The following DCDC1 variants were observed in gnomAD, a reference collection of about 807,000 sequenced individuals.
DCDC1 encodes the protein doublecortin domain containing 1.
In DCDC1, 200 loss-of-function variants were observed where a neutral mutation model predicts 178.3. The observed-to-expected ratio is 1.12, with a 90% CI of 1.00 to 1.26. The LOEUF is 1.26. DCDC1 is among the 50% of genes most tolerant of loss of function. DCDC1 has a pLI of 0.00. For synonymous variants in DCDC1, 690 were observed against 604.8 expected, an observed-to-expected ratio of 1.14 and a Z score of -2.07; for missense variants, 1,983 against 1,749.2, an observed-to-expected ratio of 1.13 and a Z score of -2.38.
At chr11:31,091,296 A>G (rs1335523353) in intron 17 of DCDC1, 97 bp downstream of exon 17, 2 of 574,788 alleles carry the variant, frequency 3.5e-6, no homozygotes, top group East Asian at 5.7e-5. Flanking sequence ...ACATTGAATG[A>G]ATATTCAATC....
chr11:30,965,300 C>A (rs1009353529), intron 20 of DCDC1, among the ~76,000 whole-genome samples: 14 of 152,124 alleles, frequency 9.2e-5, no homozygotes, highest in Non-Finnish European at 1.9e-4. Context: ...ATGTCAGTAC[C>A]ATTCTGGAGG....
At chr11:30,884,652 A>G (rs1317842972) in intron 36 of DCDC1, among the ~76,000 whole-genome samples, 1 of 152,126 alleles carries the variant, frequency 6.6e-6, no homozygotes, top group Non-Finnish European at 1.5e-5. Context: ...TCCCCAAAAC[A>G]AAGATCAACT....
chr11:31,323,263 A>G (rs985328158), intron 3 of DCDC1, among the ~76,000 whole-genome samples: 1 of 152,246 alleles, frequency 6.6e-6, no homozygotes, highest in East Asian at 1.9e-4. Context: ...ACATGCAGGT[A>G]TAAGTTATCA....
At chr11:31,179,848 A>G (rs1968547574) in intron 9 of DCDC1, among the ~76,000 whole-genome samples, 1 of 152,222 alleles carries the variant, frequency 6.6e-6, no homozygotes, top group Non-Finnish European at 1.5e-5. Flanking sequence ...CAAATACTAC[A>G]GGTCATTATC....
intron 9 of DCDC1, among the ~76,000 whole-genome samples, chr11:31,237,462 A>G (rs1976603144): frequency 6.6e-6 from 1 of 151,956 alleles, no homozygotes; most frequent in Non-Finnish European, 1.5e-5. Flanking sequence ...CATATAACAT[A>G]TATAACAGCA....
At chr11:31,011,712 C>T (rs1952180916) in intron 20 of DCDC1, among the ~76,000 whole-genome samples, 1 of 152,088 alleles carries the variant, frequency 6.6e-6, no homozygotes, top group Non-Finnish European at 1.5e-5. Context: ...ATAGTAATTC[C>T]ACCTCCAGGC....
chr11:31,239,716 A>G (rs1006305755), intron 9 of DCDC1, among the ~76,000 whole-genome samples: 6 of 151,972 alleles, frequency 3.9e-5, no homozygotes, highest in Admixed American at 1.3e-4. Context: ...AAATCTTTAC[A>G]GACTGCCCAA....
In DCDC1 at chr11:30,911,432, A is replaced by C. The variant is rs755051925; in HGVS notation, c.3654-12T>G. 6.3e-7 allele frequency: 1 copy of C among 1,581,286 alleles called. No homozygotes were observed. Among genetic ancestry groups the C allele is most frequent in the Non-Finnish European group, 8.6e-7 (1 of 1,161,836 alleles). ...CAAGGTGAAAGGTCCTTGGGAAAAC[A>C]GGATTAGCCACATTACAAAGTAGCA... On this transcript the variant is annotated splice_polypyrimidine_tract_variant and intron_variant, in intron 27 of 38. Coordinates refer to ENST00000684477, the MANE Select transcript of DCDC1 (RefSeq NM_001387274.1).
At chr11:30,949,207 T>C (rs1948254308) in intron 21 of DCDC1, among the ~76,000 whole-genome samples, 1 of 152,142 alleles carries the variant, frequency 6.6e-6, no homozygotes, top group Admixed American at 6.6e-5. Context: ...TATAAATAGA[T>C]ACTTCTCAAA....
intron 1 of DCDC1, among the ~76,000 whole-genome samples, chr11:31,364,064 AATACTCT>A (rs1369464795): frequency 6.6e-6 from 1 of 152,198 alleles, no homozygotes; most frequent in East Asian, 1.9e-4. Context: ...GTAAACAACC[AATACTCT>A]ATGGTGTAGT....
intron 7 of DCDC1, among the ~76,000 whole-genome samples, chr11:31,271,611 C>T (rs1342367264): frequency 6.6e-6 from 1 of 152,216 alleles, no homozygotes; most frequent in African/African-American, 2.4e-5. Context: ...CCAATTACTA[C>T]TCTATTGACA....
chr11:31,049,177 AG>A (rs1371572358), intron 20 of DCDC1, among the ~76,000 whole-genome samples: 1 of 152,250 alleles, frequency 6.6e-6, no homozygotes, highest in East Asian at 1.9e-4. Flanking sequence ...GTACAAATTC[AG>A]GTCTCTTATT....
chr11:31,357,167 A>G (rs992880855), intron 1 of DCDC1, among the ~76,000 whole-genome samples: 1 of 152,180 alleles, frequency 6.6e-6, no homozygotes, highest in Non-Finnish European at 1.5e-5. Flanking sequence ...TCCCTGATGA[A>G]CATTGATGCT....
chr11:31,059,449 A>G (rs1313194278), intron 20 of DCDC1, among the ~76,000 whole-genome samples: 2 of 152,090 alleles, frequency 1.3e-5, no homozygotes, highest in Non-Finnish European at 2.9e-5. Flanking sequence ...CCACGCTTCC[A>G]AATACAGCAT....
chr11:31,308,034 G>T (rs1437465089), intron 3 of DCDC1, 126 bp from the exon 4 acceptor site: 4 of 1,217,146 alleles, frequency 3.3e-6, no homozygotes, highest in African/African-American at 1.5e-5. Flanking sequence ...CCATTATTTT[G>T]TTTAATGCCT....
intron 31 of DCDC1, 51 bp downstream of exon 31, chr11:30,904,910 A>G: frequency 2.5e-6 from 4 of 1,603,960 alleles, no homozygotes; most frequent in Non-Finnish European, 3.4e-6. Flanking sequence ...AAGAATTGCC[A>G]TTGTCATTAC....
At chr11:31,362,097 A>G (rs990360284) in intron 1 of DCDC1, among the ~76,000 whole-genome samples, 1 of 152,158 alleles carries the variant, frequency 6.6e-6, no homozygotes. Context: ...ATCTTTCTCT[A>G]TACTGAAATT....
rs1181537643 is a variant in DCDC1, at chr11:30,888,096, GAAAAAGAAAGAA to G, written c.5082+4710_5082+4721del. Among the ~76,000 whole-genome samples, 56 of 90,658 alleles carry G rather than the reference GAAAAAGAAAGAA, an allele frequency of 6.2e-4. 2 individuals are homozygous for G. The highest frequency in any genetic ancestry group is 2.2e-3 in the African/African-American group (52 of 24,124). The allele number at this position is 90,658 out of a possible 152,430, so 59.5% of individuals were successfully genotyped here. ...AGAGAGAGAGAGAGAAAGAAAGAAA[GAAAAAGAAAGAA>G]AGAAAGAAAGAAAGAAAGAAAGAAA... On this transcript the variant is annotated intron_variant, in intron 36 of 38. Transcript: ENST00000684477.
intron 17 of DCDC1, among the ~76,000 whole-genome samples, chr11:31,083,479 C>A (rs1565261029): frequency 6.6e-6 from 1 of 152,124 alleles, no homozygotes; most frequent in African/African-American, 2.4e-5. Context: ...TGAGAGCCAG[C>A]ATGAGGGCTG....
Sources: allele counts gnomAD v4.1 joint callset (sites outside exome capture counted in the v4.1 genomes callset), GRCh38; gene constraint gnomAD v4.1.1; transcripts MANE v1.5; gene names NCBI Gene and HGNC (gene_info 2026-07-23, HGNC 2026-07-21).